Variants in LRBA observed in about 807,000 individuals in gnomAD.
LRBA encodes the protein LPS responsive beige-like anchor protein, also known as lipopolysaccharide-responsive and beige-like anchor protein.
A neutral mutation model predicts 330.0 loss-of-function variants in LRBA; 176 were observed. The observed-to-expected ratio is 0.53, with a 90% confidence interval of 0.47 to 0.60. The LOEUF (loss-of-function observed/expected upper bound fraction) is 0.60. LRBA is among the 20% of genes least tolerant of loss of function. LRBA has a pLI of 0.00. For synonymous variants in LRBA, 1,230 were observed against 1,193.0 expected, an observed-to-expected ratio of 1.03 and a Z score of -0.64; for missense variants, 3,259 against 3,444.8, an observed-to-expected ratio of 0.95 and a Z score of 1.35.
chr4:151,003,279 A>T (rs1743601747), intron 2 of LRBA, among the ~76,000 whole-genome samples: 1 of 150,336 alleles, frequency 6.7e-6, no homozygotes, highest in Non-Finnish European at 1.5e-5. Context: ...CACCTGTAAT[A>T]CCAGCTACTT....
chr4:150,909,089 T>C (rs531638245), intron 9 of LRBA, among the ~76,000 whole-genome samples: 3 of 152,238 alleles, frequency 2.0e-5, no homozygotes, highest in Admixed American at 6.5e-5. Flanking sequence ...CAATAGATCA[T>C]ATTTTATCTT....
intron 48 of LRBA, among the ~76,000 whole-genome samples, chr4:150,336,214 A>C (rs1434913460): frequency 6.6e-6 from 1 of 152,188 alleles, no homozygotes; most frequent in Non-Finnish European, 1.5e-5. Context: ...CTCCCAAGGA[A>C]TATTCTGTAA....
chr4:150,339,086 T>C (rs1735138544), intron 48 of LRBA, among the ~76,000 whole-genome samples: 1 of 152,088 alleles, frequency 6.6e-6, no homozygotes, highest in Admixed American at 6.6e-5. Flanking sequence ...TTAACAGCGA[T>C]ACACCTAAGA....
intron 42 of LRBA, among the ~76,000 whole-genome samples, chr4:150,484,637 T>A (rs1256259925): frequency 6.6e-6 from 1 of 151,696 alleles, no homozygotes; most frequent in Admixed American, 6.6e-5. Flanking sequence ...TTTTTATTAT[T>A]TTTTTCTTTC....
intron 36 of LRBA, among the ~76,000 whole-genome samples, chr4:150,699,901 G>A (rs1431392863): frequency 6.6e-6 from 1 of 152,078 alleles, no homozygotes; most frequent in Non-Finnish European, 1.5e-5. Flanking sequence ...TTGTCAGTTG[G>A]TTATACTGGT....
intron 47 of LRBA, among the ~76,000 whole-genome samples, chr4:150,368,980 A>G (rs567899004): frequency 1.3e-5 from 2 of 152,286 alleles, no homozygotes; most frequent in South Asian, 2.1e-4. Context: ...AAGAGACTGG[A>G]GACTCAGAAG....
At chr4:150,817,033 GC>G in intron 31 of LRBA, 90 bp downstream of exon 31, 1 of 1,071,798 alleles carries the variant, frequency 9.3e-7, no homozygotes. Context: ...TTTCTAATGT[GC>G]CCCCAAATTT....
chr4:150,864,433 C>G (rs1351075794), intron 22 of LRBA, among the ~76,000 whole-genome samples: 1 of 151,922 alleles, frequency 6.6e-6, no homozygotes, highest in Non-Finnish European at 1.5e-5. Flanking sequence ...CAAACAATAA[C>G]AAGAAGAGTG....
intron 56 of LRBA, among the ~76,000 whole-genome samples, chr4:150,270,945 T>A (rs945169403): frequency 2.6e-5 from 4 of 152,346 alleles, no homozygotes; most frequent in East Asian, 3.9e-4. Context: ...GCAGATCTGG[T>A]CTGCAGCTCC....
intron 40 of LRBA, among the ~76,000 whole-genome samples, chr4:150,562,012 T>A (rs929226101): frequency 9.9e-5 from 15 of 152,148 alleles, no homozygotes; most frequent in Non-Finnish European, 1.9e-4. Context: ...TCATCTACTG[T>A]GAATGGCTGT....
At position 150,828,283 on chromosome 4, in the gene LRBA, C is replaced by T. The variant is rs1053921984; in HGVS notation, c.5068G>A (p.Ala1690Thr). Reference sequence around the variant, plus strand: ...GCAGGATCCACTGTGACTCCATCTGCTGGTATGTTAACCAAGCTTCGGAGA... The same window carrying T: ...GCAGGATCCACTGTGACTCCATCTGTTGGTATGTTAACCAAGCTTCGGAGA... ...DILRSLVNIP[A>T]DGVTVDPALL... Residue 1690 changes from alanine to threonine, a missense_variant, in exon 30 of 57, where the codon GCA becomes ACA. By Grantham distance (58) the Ala-to-Thr change is moderately conservative. Transcript: ENST00000651943. 6.2e-7 allele frequency: 1 copy of T among 1,614,166 alleles called. No homozygotes were observed. Among genetic ancestry groups the T allele is most frequent in the Non-Finnish European group, 8.5e-7 (1 of 1,179,994 alleles).
chr4:150,559,679 A>T (rs1218398159), intron 40 of LRBA, among the ~76,000 whole-genome samples: 6 of 83,646 alleles, frequency 7.2e-5, no homozygotes, highest in Admixed American at 2.2e-4. Flanking sequence ...ATATTATATA[A>T]TATATTATAT....
chr4:150,572,840 C>A (rs1382341998), intron 40 of LRBA, among the ~76,000 whole-genome samples: 1 of 152,110 alleles, frequency 6.6e-6, no homozygotes, highest in Non-Finnish European at 1.5e-5. Context: ...ATACCTGCCT[C>A]TGTCACCCAT....
At chr4:150,613,702 C>T (rs1382883655) in intron 37 of LRBA, among the ~76,000 whole-genome samples, 1 of 152,228 alleles carries the variant, frequency 6.6e-6, no homozygotes, top group Admixed American at 6.5e-5. Context: ...CCACATCAGA[C>T]TTGATGTACA....
At chr4:150,712,834 G>T (rs1304278751) in intron 36 of LRBA, among the ~76,000 whole-genome samples, 2 of 152,202 alleles carry the variant, frequency 1.3e-5, no homozygotes, top group African/African-American at 4.8e-5. Flanking sequence ...AATAAGGAGT[G>T]GTTCTTTTCC....
chr4:150,499,988 AT>A (rs1444357154), intron 40 of LRBA, among the ~76,000 whole-genome samples: 10 of 152,146 alleles, frequency 6.6e-5, no homozygotes, highest in Non-Finnish European at 8.8e-5. Flanking sequence ...ACATGGAAAG[AT>A]TTGTTAAAAG....
intron 41 of LRBA, among the ~76,000 whole-genome samples, chr4:150,489,131 A>ATATATAATATATAATATATAGGAC (rs1348273929): frequency 2.0e-5 from 2 of 99,440 alleles, no homozygotes; most frequent in African/African-American, 4.0e-5. Context: ...ATATATAAGA[A>ATATATAATATATAATATATAGGAC]TATATAATAT....
In LRBA at chr4:150,522,372, A is replaced by C. The variant is rs546020691; in HGVS notation, c.6331-31337T>G. On this transcript the variant is annotated intron_variant, in intron 40 of 56. Coordinates refer to ENST00000651943, the MANE Select transcript of LRBA (RefSeq NM_001364905.1). ...GAATATTGCTACAACATATATCTAAAAATTTAAAGCAGTTTTGGAACTGGG... is the reference window on the plus strand; with the variant it reads ...GAATATTGCTACAACATATATCTAACAATTTAAAGCAGTTTTGGAACTGGG... Among the ~76,000 whole-genome samples the C allele has an allele frequency of 3.3e-5, 5 of 152,360 alleles. No homozygotes were observed. In the East Asian group the frequency reaches 9.6e-4, roughly 29 times the overall value.
chr4:150,563,557 T>C (rs918760222), intron 40 of LRBA, among the ~76,000 whole-genome samples: 2 of 152,060 alleles, frequency 1.3e-5, no homozygotes, highest in Non-Finnish European at 2.9e-5. Context: ...GAGAAAGAAA[T>C]AAAGCGTATT....
Sources: gnomAD v4.1 joint callset for allele counts (sites outside exome capture counted in the v4.1 genomes callset) on GRCh38, gnomAD v4.1.1 for gene constraint, MANE v1.5 for transcripts, NCBI Gene and HGNC (gene_info 2026-07-23, HGNC 2026-07-21) for gene names.